The following MTTP variants were observed in gnomAD, a reference collection of about 807,000 sequenced individuals.
MTTP encodes microsomal triglyceride transfer protein.
MTTP carries 49 observed loss-of-function variants against 90.6 expected under a neutral mutation model. The observed-to-expected ratio is 0.54, with a 90% confidence interval of 0.43 to 0.69. The LOEUF is 0.69. Among genes scored for constraint, MTTP ranks in the 30% least tolerant of loss-of-function variants. The probability of loss-of-function intolerance (pLI) is 0.00; values close to 1 mark genes in which losing one functional copy is unlikely to be tolerated. For synonymous variants in MTTP, 347 were observed against 384.2 expected (o/e 0.90, Z 1.13); for missense variants, 945 against 1,067.5 (o/e 0.89, Z 1.60).
chr4:99,582,524 CTG>C (rs999309829), intron 2 of MTTP, among the ~76,000 whole-genome samples: 3 of 152,156 alleles, frequency 2.0e-5, no homozygotes, highest in Non-Finnish European at 4.4e-5. Context: ...TAAACCTAGT[CTG>C]TGTTCTTCCT....
At chr4:99,586,772 T>G (rs1163672876) in intron 3 of MTTP, among the ~76,000 whole-genome samples, 1 of 152,130 alleles carries the variant, frequency 6.6e-6, no homozygotes, top group Non-Finnish European at 1.5e-5. Flanking sequence ...GAAAGGCATC[T>G]TCTTCCTAAG....
chr4:99,622,123 A>C (rs1395435352), intron 17 of MTTP, among the ~76,000 whole-genome samples: 2 of 152,236 alleles, frequency 1.3e-5, no homozygotes, highest in African/African-American at 4.8e-5. Context: ...TAAACTATTA[A>C]GCTGTCACTA....
chr4:99,564,312 T>G, intron 1 of MTTP: 1 of 1,420,992 alleles, frequency 7.0e-7, no homozygotes, highest in South Asian at 1.3e-5. Flanking sequence ...CTCCTAATTT[T>G]TCTGTGTTGA....
intron 1 of MTTP, among the ~76,000 whole-genome samples, chr4:99,566,976 CACTTGTGAGT>C (rs1724717443): frequency 6.6e-6 from 1 of 152,170 alleles, no homozygotes; most frequent in African/African-American, 2.4e-5. Flanking sequence ...AATAGAGTAA[CACTTGTGAGT>C]ACTTTAATTT....
chr4:99,565,688 G>C (rs959156879), intron 1 of MTTP, among the ~76,000 whole-genome samples: 1 of 152,180 alleles, frequency 6.6e-6, no homozygotes, highest in Admixed American at 6.5e-5. Context: ...TACTTGAGAT[G>C]CTTGTACTTT....
intron 17 of MTTP, among the ~76,000 whole-genome samples, chr4:99,621,736 T>C (rs920614467): frequency 1.3e-5 from 2 of 152,232 alleles, no homozygotes; most frequent in Non-Finnish European, 2.9e-5. Context: ...GGATTCTGAA[T>C]TTTTTTAAAT....
In MTTP at chr4:99,622,679, A is replaced by G; in HGVS notation, c.2516A>G (p.Gln839Arg). ...QMDKDEAPFR[Q>R]FEKKYERLST... is the part of the protein sequence containing the mutation. Reference sequence around the variant, plus strand: ...TTATTGTTGCTGTTGTTGTACAGGCAATTTGAGAAAAAGTACGAAAGGCTG... The same window carrying G: ...TTATTGTTGCTGTTGTTGTACAGGCGATTTGAGAAAAAGTACGAAAGGCTG... The change falls in exon 18 of 18, where the codon CAA (glutamine) becomes CGA (arginine). Residue 839 changes from glutamine (Q) to arginine (R), a missense_variant and splice_region_variant. Transcript: ENST00000265517. 1 of 1,613,942 alleles carries G rather than the reference A, an allele frequency of 6.2e-7. No homozygotes were observed. Among genetic ancestry groups the G allele is most frequent in the East Asian group, 2.2e-5 (1 of 44,868 alleles).
At chr4:99,612,803 T>G in intron 14 of MTTP, 110 bp from the exon 15 acceptor site, 1 of 969,834 alleles carries the variant, frequency 1.0e-6, no homozygotes, top group Middle Eastern at 2.5e-4. Flanking sequence ...GTTGCAAATA[T>G]TTAAGTTTTT....
chr4:99,605,981 T>A (rs1317059051), intron 10 of MTTP, among the ~76,000 whole-genome samples: 3 of 152,138 alleles, frequency 2.0e-5, no homozygotes, highest in Non-Finnish European at 4.4e-5. Context: ...CCTTTATTTT[T>A]AAAAAATTTT....
upstream of MTTP, among the ~76,000 whole-genome samples, chr4:99,573,567 A>G (rs1724885973): frequency 6.6e-6 from 1 of 152,040 alleles, no homozygotes; most frequent in Non-Finnish European, 1.5e-5. Context: ...AGAACAAACA[A>G]TTTTCATGTT....
At chr4:99,574,668 AAAAAATT>A (rs1724909947), upstream of MTTP, 2 of 856,600 alleles carry the variant, frequency 2.3e-6, no homozygotes, top group Non-Finnish European at 3.6e-6. Context: ...CATTGGGTGA[AAAAAATT>A]AAAAAGAGTG....
chr4:99,601,767 T>G, intron 10 of MTTP, 53 bp downstream of exon 10: 1 of 1,334,102 alleles, frequency 7.5e-7, no homozygotes, highest in Non-Finnish European at 1.1e-6. Flanking sequence ...ATTGTCCATT[T>G]GATACTCACC....
chr4:99,598,694 G>A (rs113163114), intron 8 of MTTP, among the ~76,000 whole-genome samples: 5,232 of 104,266 alleles, frequency 0.05, 136 homozygotes, highest in Middle Eastern at 0.1. Context: ...ACAGTGTTTC[G>A]CTCTTGTTGC....
Position 99,622,911 on chromosome 4 carries a change from A to C in MTTP, c.*63A>C. ...GAAAGGGACACAATGTGGCATGACT[A>C]AGTACTTGCTCTCTGAGAGCACAGC... On this transcript the variant is annotated 3_prime_UTR_variant, in exon 18 of 18. Coordinates refer to ENST00000265517, the MANE Select transcript of MTTP (RefSeq NM_001386140.1). 4 of 1,529,020 alleles carry C rather than the reference A, an allele frequency of 2.6e-6. No homozygotes were observed. In the South Asian group the frequency reaches 4.5e-5, roughly 17 times the overall value. The allele number at this position is 1,529,020 out of a possible 1,614,324, so 94.7% of individuals were successfully genotyped here.
intron 1 of MTTP, among the ~76,000 whole-genome samples, chr4:99,565,623 A>G (rs1020851105): frequency 1.5e-4 from 23 of 152,212 alleles, no homozygotes; most frequent in Admixed American, 7.9e-4. Context: ...CTCTGTGCTT[A>G]AGGAATCCTT....
At chr4:99,599,363 T>C (rs1172308520) in intron 8 of MTTP, among the ~76,000 whole-genome samples, 1 of 152,174 alleles carries the variant, frequency 6.6e-6, no homozygotes, top group African/African-American at 2.4e-5. Flanking sequence ...TAAGAAACCA[T>C]GGACTCCAGA....
rs769599691 is a variant in MTTP at position 99,600,718 on chromosome 4, C to T, written c.1221C>T (p.Leu407=). Residue 407 remains leucine, a synonymous_variant, in exon 9 of 18, where the codon CTC becomes CTT. Transcript: ENST00000265517. ...CGFASHPNEE[L]LRALISKFKG... The stretch of plus-strand genomic sequence containing the variant: ...TTGCTTCTCATCCCAATGAAGAACT[C>T]CTGAGAGCCCTCATTGTAAGTCAAA... The T allele has an allele frequency of 5.0e-6, 8 of 1,613,496 alleles. No individual in the cohort carries two copies. In the African/African-American group the frequency reaches 9.3e-5, roughly 19 times the overall value.
chr4:99,575,841 A>C (rs927961467), intron 1 of MTTP, among the ~76,000 whole-genome samples: 2 of 152,234 alleles, frequency 1.3e-5, no homozygotes, highest in Non-Finnish European at 2.9e-5. Context: ...ACATAGCGTT[A>C]TAGGGACCAA....
chr4:99,570,231 A>G (rs1338033903), upstream of MTTP, among the ~76,000 whole-genome samples: 3 of 151,954 alleles, frequency 2.0e-5, no homozygotes, highest in African/African-American at 7.2e-5. Context: ...TTTTTCTGGA[A>G]AATCTCTATT....
Sources: allele counts gnomAD v4.1 joint callset (sites outside exome capture counted in the v4.1 genomes callset), GRCh38; gene constraint gnomAD v4.1.1; transcripts MANE v1.5; gene names NCBI Gene and HGNC (gene_info 2026-07-23, HGNC 2026-07-21).